The following VPS37A variants were observed in gnomAD, a reference collection of about 807,000 sequenced individuals.
VPS37A encodes VPS37A subunit of ESCRT-I.
In VPS37A, 30 loss-of-function variants were observed where a neutral mutation model predicts 49.8. The ratio of observed to expected loss-of-function variants is 0.60; its 90% confidence interval spans 0.45 to 0.82. VPS37A has a LOEUF of 0.82. Ranked by LOEUF, VPS37A falls within the 40% of genes least tolerant of loss-of-function variation. The probability of loss-of-function intolerance (pLI) is 0.00; values close to 1 mark genes in which losing one functional copy is unlikely to be tolerated. For missense variants in VPS37A, 593 were observed against 464.4 expected, an observed-to-expected ratio of 1.28 and a Z score of -2.55; for synonymous variants, 195 against 160.6, an observed-to-expected ratio of 1.21 and a Z score of -1.62.
rs759529215 is a variant in VPS37A, at chr8:17,247,207, G to C, written c.-38G>C. On this transcript the variant is annotated 5_prime_UTR_variant, in exon 1 of 12. Transcript: ENST00000324849. ...CCGAGCCACTGGGAGAAGCAGGCCAGAGCCTTCCAGGGCCTCCGGCCCGTG... is the reference window on the plus strand; with the variant it reads ...CCGAGCCACTGGGAGAAGCAGGCCACAGCCTTCCAGGGCCTCCGGCCCGTG... The C allele has an allele frequency of 1.9e-6, 3 of 1,559,518 alleles. No individual in the cohort carries two copies. The South Asian group carries it at 3.5e-5, about 18-fold the overall frequency.
chr8:17,287,079 C>A (rs73208588), intron 11 of VPS37A, among the ~76,000 whole-genome samples: 10,072 of 152,222 alleles, frequency 0.066, 464 homozygotes, highest in Non-Finnish European at 0.099. Flanking sequence ...ATGGCACATT[C>A]TTTCTTCTAC....
At chr8:17,277,754 T>C (rs1814652783) in intron 6 of VPS37A, among the ~76,000 whole-genome samples, 1 of 152,024 alleles carries the variant, frequency 6.6e-6, no homozygotes, top group Admixed American at 6.6e-5. Context: ...TTGTGGGCAG[T>C]TTGTTTGAAT....
intron 1 of VPS37A, among the ~76,000 whole-genome samples, chr8:17,248,652 T>G (rs1239695443): frequency 6.6e-6 from 1 of 152,212 alleles, no homozygotes; most frequent in Non-Finnish European, 1.5e-5. Context: ...AATTCTTATT[T>G]AAAATGGAAT....
chr8:17,253,832 C>A (rs1004199310), intron 1 of VPS37A, among the ~76,000 whole-genome samples: 8 of 152,180 alleles, frequency 5.3e-5, no homozygotes, highest in Non-Finnish European at 7.3e-5. Flanking sequence ...TTTGGAATTT[C>A]TCAAAATCTT....
At chr8:17,274,687 T>C (rs1224345654) in intron 4 of VPS37A, 46 bp from the exon 5 acceptor site, 1 of 1,492,780 alleles carries the variant, frequency 6.7e-7, no homozygotes, top group Non-Finnish European at 9.3e-7. Flanking sequence ...TTTGACATGT[T>C]TTATCCATAA....
intron 1 of VPS37A, among the ~76,000 whole-genome samples, chr8:17,249,891 A>T (rs1028119002): frequency 1.8e-4 from 27 of 152,214 alleles, no homozygotes; most frequent in African/African-American, 6.5e-4. Context: ...ATTAGGTTCA[A>T]TGAAGAATGG....
chr8:17,280,053 G>T lies in VPS37A; in HGVS notation c.739G>T (p.Glu247Ter). The part of the protein sequence containing the change: ...LSVSQLTDMN[E>*]QEEVLLEQFL... Reference sequence around the variant, plus strand: ...TGTGTCACAACTCACAGATATGAATGAACAAGAGGAGGTATTACTAGAACA... The same window carrying T: ...TGTGTCACAACTCACAGATATGAATTAACAAGAGGAGGTATTACTAGAACA... The change falls in exon 7 of 12, where the codon GAA (glutamate) becomes TAA (stop). Residue 247 changes from glutamate to a stop codon, truncating the protein, a stop_gained. Coordinates refer to ENST00000324849, the MANE Select transcript of VPS37A (RefSeq NM_152415.3). LOFTEE classifies it high-confidence loss of function. 1 of 1,611,634 alleles carries T rather than the reference G, an allele frequency of 6.2e-7. No individual in the cohort carries two copies. Among genetic ancestry groups the T allele is most frequent in the Non-Finnish European group, 8.5e-7 (1 of 1,178,932 alleles).
intron 1 of VPS37A, among the ~76,000 whole-genome samples, chr8:17,259,857 T>C (rs1021271812): frequency 3.3e-5 from 5 of 152,140 alleles, no homozygotes; most frequent in South Asian, 2.1e-4. Context: ...CTTTGATTTG[T>C]AGTCTGTTTT....
At chr8:17,330,987 T>G in the VPS37A span, among the ~76,000 whole-genome samples, 1 of 152,166 alleles carries the variant, frequency 6.6e-6, no homozygotes, top group Non-Finnish European at 1.5e-5. Flanking sequence ...TGCTTACAAA[T>G]AAGAGAAACG....
intron 1 of VPS37A, among the ~76,000 whole-genome samples, chr8:17,262,911 A>T (rs1261160257): frequency 6.6e-6 from 1 of 151,966 alleles, no homozygotes; most frequent in African/African-American, 2.4e-5. Flanking sequence ...AAATACAAAA[A>T]TTAGCTGGGT....
intron 9 of VPS37A, among the ~76,000 whole-genome samples, chr8:17,282,410 T>C (rs1815151294): frequency 6.6e-6 from 1 of 152,118 alleles, no homozygotes; most frequent in African/African-American, 2.4e-5. Context: ...TTCTAGGATT[T>C]TTTCTTTAAG....
downstream of VPS37A, among the ~76,000 whole-genome samples, chr8:17,304,803 A>G (rs887948592): frequency 7.4e-6 from 1 of 135,854 alleles, no homozygotes; most frequent in Non-Finnish European, 1.5e-5. Flanking sequence ...TTTTCCCCCA[A>G]ATAGTCATTG....
chr8:17,288,691 G>C (rs1815852684), intron 11 of VPS37A, among the ~76,000 whole-genome samples: 1 of 152,146 alleles, frequency 6.6e-6, no homozygotes, highest in Middle Eastern at 3.2e-3. Context: ...ACGTGTGCAT[G>C]CGCCTTTATA....
chr8:17,302,230 T>C, downstream of VPS37A: 1 of 1,614,112 alleles, frequency 6.2e-7, no homozygotes, highest in Non-Finnish European at 8.5e-7. Context: ...TGTAACTGAC[T>C]GTCGGGGCTG....
intron 1 of VPS37A, among the ~76,000 whole-genome samples, chr8:17,263,983 G>C (rs1813204192): frequency 6.6e-6 from 1 of 151,958 alleles, no homozygotes; most frequent in South Asian, 2.1e-4. Flanking sequence ...ATCTAGAGAG[G>C]GACCAACCTC....
At chr8:17,307,481 T>C in the VPS37A span, among the ~76,000 whole-genome samples, 1 of 152,126 alleles carries the variant, frequency 6.6e-6, no homozygotes, top group Non-Finnish European at 1.5e-5. Flanking sequence ...AGTGTGGCGA[T>C]TCCTCAGGGA....
At chr8:17,303,947 A>G (rs896178139), downstream of VPS37A, among the ~76,000 whole-genome samples, 1 of 152,188 alleles carries the variant, frequency 6.6e-6, no homozygotes, top group Non-Finnish European at 1.5e-5. Context: ...AAGGCAACCT[A>G]TTACGTTGGT....
At chr8:17,280,784 T>G (rs1814984848) in intron 9 of VPS37A, among the ~76,000 whole-genome samples, 1 of 151,918 alleles carries the variant, frequency 6.6e-6, no homozygotes, top group Admixed American at 6.6e-5. Context: ...TACAAATACC[T>G]TAAATGAAAA....
rs1384124390 is a variant in VPS37A, at chr8:17,297,548, A to ATTCT, written c.*2564_*2567dup. ...ACTGATTTGCTGGGTCATGGTCAAAATTCTTACCTATTTATTTCATATCAA... is the reference window on the plus strand; with the variant it reads ...ACTGATTTGCTGGGTCATGGTCAAAATTCTTTCTTACCTATTTATTTCATATCAA... On this transcript the variant is annotated 3_prime_UTR_variant, in exon 12 of 12. Transcript: ENST00000324849. 5.2e-5 allele frequency: 6 copies of ATTCT among 115,122 alleles called. No homozygotes were observed. The highest frequency in any genetic ancestry group is 2.6e-4 in the African/African-American group (6 of 22,980). The allele number at this position is 115,122 out of a possible 1,614,324, so 7.1% of individuals were successfully genotyped here. A position where few individuals can be genotyped will look rare whatever the true frequency, so the allele number is the denominator to read the frequency against.
Sources: gnomAD v4.1 joint callset for allele counts (sites outside exome capture counted in the v4.1 genomes callset) on GRCh38, gnomAD v4.1.1 for gene constraint, MANE v1.5 for transcripts, NCBI Gene and HGNC (gene_info 2026-07-23, HGNC 2026-07-21) for gene names.